The following LAMA3 variants were observed in gnomAD, a reference collection of about 807,000 sequenced individuals.
LAMA3 encodes laminin subunit alpha-3.
A neutral mutation model predicts 402.0 loss-of-function variants in LAMA3; 281 were observed. The observed-to-expected ratio is 0.70, with a 90% confidence interval of 0.63 to 0.77. LAMA3 has a LOEUF of 0.77. LAMA3 is among the 30% of genes least tolerant of loss of function. The pLI is 0.00. For synonymous variants in LAMA3, 1,431 were observed against 1,558.4 expected, an observed-to-expected ratio of 0.92 and a Z score of 1.93; for missense variants, 3,840 against 4,215.5, an observed-to-expected ratio of 0.91 and a Z score of 2.47.
rs77105367 is a variant in LAMA3, at chr18:23,877,162, T to A, written c.5112+755T>A. Among the ~76,000 whole-genome samples the A allele has an allele frequency of 7.7e-4, 117 of 152,248 alleles. 2 individuals carry two copies. The East Asian group carries it at 0.02, about 27-fold the overall frequency. The stretch of plus-strand genomic sequence containing the variant: ...GGTCGTGGGGAAGGGAAAGTGCTGC[T>A]CACCCCTCCCGTCCTCACAACATCC... On this transcript the variant is annotated intron_variant, in intron 39 of 74. Transcript: ENST00000313654.
At position 23,847,550 on chromosome 18, in the gene LAMA3, T is replaced by C. The variant is rs774581136; in HGVS notation, c.4018T>C (p.Cys1340Arg). Residue 1340 changes from cysteine (C) to arginine (R), a missense_variant, in exon 32 of 75, where the codon TGT becomes CGT. Around this residue, in one of 3 missense-constraint regions of LAMA3, gnomAD observed 2,109 missense variants for 2,376.0 expected, o/e 0.89. Coordinates refer to ENST00000313654, the MANE Select transcript of LAMA3 (RefSeq NM_198129.4). The stretch of plus-strand genomic sequence containing the variant: ...CACGGTCAGGCCCCAGTGTGAGGTG[T>C]GTGAGACACACTCATTCAGCTTCCA... Reference protein sequence around the residue: ...PRTVRPQCEVCETHSFSFHPM... With the variant: ...PRTVRPQCEVRETHSFSFHPM... 2 of 1,613,956 alleles carry C rather than the reference T, an allele frequency of 1.2e-6. No individual in the cohort carries two copies. The highest frequency in any genetic ancestry group is 2.7e-5 in the African/African-American group (2 of 74,944).
intron 12 of LAMA3, among the ~76,000 whole-genome samples, chr18:23,788,662 C>T (rs889321422): frequency 6.6e-6 from 1 of 151,690 alleles, no homozygotes; most frequent in Admixed American, 6.6e-5. Flanking sequence ...AACTATAAAT[C>T]TCTTAGAATA....
At position 23,928,109 on chromosome 18, in the gene LAMA3, G is replaced by A. The variant is rs1160227530; in HGVS notation, c.8178-14G>A. 2.6e-6 allele frequency: 4 copies of A among 1,564,014 alleles called. No individual in the cohort carries two copies. Among genetic ancestry groups the A allele is most frequent in the Non-Finnish European group, 3.5e-6 (4 of 1,134,274 alleles). On this transcript the variant is annotated splice_polypyrimidine_tract_variant and intron_variant, in intron 62 of 74. Transcript: ENST00000313654. The stretch of plus-strand genomic sequence containing the variant: ...CATGATCCATCTCTTCCTTTTATCT[G>A]TGTTCGTAATCAGATTTAACATTTC...
At position 23,912,822 on chromosome 18, in the gene LAMA3, A is replaced by C; in HGVS notation, c.7270A>C (p.Asn2424His). 2 of 1,614,114 alleles carry C rather than the reference A, an allele frequency of 1.2e-6. No homozygotes were observed. Among genetic ancestry groups the C allele is most frequent in the Non-Finnish European group, 1.7e-6 (2 of 1,179,898 alleles). Residue 2424 changes from asparagine (N) to histidine (H), a missense_variant, in exon 56 of 75, where the codon AAC becomes CAC. Asn to His is a moderately conservative substitution (Grantham distance 68, BLOSUM62 1). This residue lies in a region of LAMA3 where 891 missense variants were observed against 857.5 expected (regional missense o/e 1.04). Transcript: ENST00000313654. The stretch of plus-strand genomic sequence containing the variant: ...TCTGTCCTTGTTTCTCCAAAGGCCC[A>C]ACTCAAGAGAAAATGGGGGTACTGA... ...TSLSLFLQRP[N>H]SRENGGTENM...
At chr18:23,842,946 A>G (rs1034326715) in intron 29 of LAMA3, among the ~76,000 whole-genome samples, 196 bp downstream of exon 29, 2 of 152,206 alleles carry the variant, frequency 1.3e-5, no homozygotes, top group Non-Finnish European at 2.9e-5. Flanking sequence ...AGTCAAGGGA[A>G]CTAGGACAGA....
chr18:23,932,475 G>A, intron 66 of LAMA3, 184 bp downstream of exon 66: 1 of 594,660 alleles, frequency 1.7e-6, no homozygotes. Context: ...AAAAACTCCT[G>A]GGCCCGGCCT....
intron 39 of LAMA3, among the ~76,000 whole-genome samples, chr18:23,880,119 G>A (rs752080133): frequency 2.0e-5 from 3 of 152,214 alleles, no homozygotes; most frequent in Non-Finnish European, 2.9e-5. Context: ...GAGGGAAGCC[G>A]CTGGTGTCCT....
At chr18:23,907,145 A>G (rs749901817) in intron 52 of LAMA3, among the ~76,000 whole-genome samples, 9 of 152,194 alleles carry the variant, frequency 5.9e-5, no homozygotes, top group African/African-American at 9.7e-5. Context: ...TCATGTATTC[A>G]TTTACTCAAC....
At chr18:23,737,411 C>T (rs1275124739) in intron 2 of LAMA3, among the ~76,000 whole-genome samples, 1 of 152,314 alleles carries the variant, frequency 6.6e-6, no homozygotes, top group African/African-American at 2.4e-5. Context: ...CACCCCATTC[C>T]GTGGTGACCT....
chr18:23,954,376 C>G, intron 74 of LAMA3, 127 bp from the exon 75 acceptor site: 1 of 793,604 alleles, frequency 1.3e-6, no homozygotes. Context: ...GTACTTCAGC[C>G]TGGGTAACAG....
At chr18:23,848,740 C>T (rs59834349) in intron 32 of LAMA3, among the ~76,000 whole-genome samples, 24,391 of 152,160 alleles carry the variant, frequency 0.16, 4,211 homozygotes, top group African/African-American at 0.42. Flanking sequence ...CCACAAACAA[C>T]GCTAAAATAA....
chr18:23,849,701 G>C (rs1003271806), intron 32 of LAMA3, among the ~76,000 whole-genome samples: 1 of 152,108 alleles, frequency 6.6e-6, no homozygotes, highest in African/African-American at 2.4e-5. Flanking sequence ...TAATAGACTG[G>C]AATATTCCTA....
At chr18:23,916,942 G>T (rs1238388283) in intron 60 of LAMA3, among the ~76,000 whole-genome samples, 1 of 151,774 alleles carries the variant, frequency 6.6e-6, no homozygotes, top group Non-Finnish European at 1.5e-5. Context: ...GCATGTCACA[G>T]GGGTTTGGTG....
intron 41 of LAMA3, 74 bp from the exon 42 acceptor site, chr18:23,889,937 A>C: frequency 3.5e-4 from 378 of 1,065,084 alleles, no homozygotes; most frequent in Non-Finnish European, 5.0e-4. Context: ...ACAGAGAGCT[A>C]GAGATTGAGA....
intron 11 of LAMA3, among the ~76,000 whole-genome samples, chr18:23,779,243 G>A (rs987629077): frequency 6.6e-6 from 1 of 151,722 alleles, no homozygotes; most frequent in Non-Finnish European, 1.5e-5. Context: ...TTATATAGAA[G>A]GCTCTTTGGG....
At chr18:23,692,708 A>G (rs7229583) in intron 1 of LAMA3, among the ~76,000 whole-genome samples, 15,469 of 152,178 alleles carry the variant, frequency 0.1, 1,462 homozygotes, top group African/African-American at 0.22. Flanking sequence ...TATGCCTTAT[A>G]TATTTTTTGG....
intron 2 of LAMA3, among the ~76,000 whole-genome samples, chr18:23,724,025 A>T (rs1261729834): frequency 6.6e-6 from 1 of 152,070 alleles, no homozygotes; most frequent in Non-Finnish European, 1.5e-5. Flanking sequence ...TTTATCCTTC[A>T]TCCCCCTCCC....
intron 8 of LAMA3, among the ~76,000 whole-genome samples, chr18:23,770,454 T>TA (rs2062171562): frequency 6.6e-6 from 1 of 151,534 alleles, no homozygotes; most frequent in Non-Finnish European, 1.5e-5. Flanking sequence ...AAATGGCCAA[T>TA]AAATGTACAT....
At chr18:23,751,856 C>T (rs1046385163) in intron 5 of LAMA3, among the ~76,000 whole-genome samples, 6 of 152,174 alleles carry the variant, frequency 3.9e-5, no homozygotes, top group Non-Finnish European at 8.8e-5. Context: ...CTCTGATCTA[C>T]TGGTGCCTTC....
Sources: allele counts gnomAD v4.1 joint callset (sites outside exome capture counted in the v4.1 genomes callset), GRCh38; gene constraint gnomAD v4.1.1; regional missense constraint gnomAD v4.1.1; transcripts MANE v1.5; gene names NCBI Gene and HGNC (gene_info 2026-07-23, HGNC 2026-07-21).